The following ADAMTS2 variants were observed in gnomAD, a reference collection of about 807,000 sequenced individuals.
The protein encoded by ADAMTS2 is ADAM metallopeptidase with thrombospondin type 1 motif 2.
ADAMTS2 carries 50 observed loss-of-function variants against 123.0 expected under a neutral mutation model. The ratio of observed to expected loss-of-function variants is 0.41; its 90% CI spans 0.32 to 0.51. The LOEUF (loss-of-function observed/expected upper bound fraction) is 0.51. ADAMTS2 is among the 20% of genes least tolerant of loss of function. The pLI is 0.35. For missense variants in ADAMTS2, 1,494 were observed against 1,705.2 expected (o/e 0.88, Z 2.18); for synonymous variants, 678 against 695.4 (o/e 0.98, Z 0.39).
chr5:179,235,381 AG>A (rs1209150812), intron 3 of ADAMTS2, among the ~76,000 whole-genome samples: 1 of 152,248 alleles, frequency 6.6e-6, no homozygotes, highest in African/African-American at 2.4e-5. Flanking sequence ...TGAAATGCTC[AG>A]GGTGTGTGGG....
In ADAMTS2 at chr5:179,129,841, A is replaced by C. The variant is rs1053230873; in HGVS notation, c.2457+91T>G. 12 of 1,547,014 alleles carry C rather than the reference A, an allele frequency of 7.8e-6. No individual in the cohort carries two copies. The African/African-American group carries it at 1.6e-4, about 21-fold the overall frequency. On this transcript the variant is annotated intron_variant, in intron 16 of 21. Transcript: ENST00000251582. This position sits in a 1 kb window ranked among gnomAD's most constrained non-coding sequence, Gnocchi z 4.1. ...AGGGGCCACGCAGAGTGTCACCTGA[A>C]GGGTCAGGAGGCTCAGCGTCCCAGG...
chr5:179,344,263 A>T, intron 1 of ADAMTS2, 102 bp from the exon 2 acceptor site: 1 of 1,433,398 alleles, frequency 7.0e-7, no homozygotes, highest in Non-Finnish European at 9.4e-7. Context: ...CCCACTGCGA[A>T]GGGAAGGGGC....
intron 2 of ADAMTS2, among the ~76,000 whole-genome samples, chr5:179,321,564 T>C (rs938907420): frequency 2.0e-5 from 3 of 152,192 alleles, no homozygotes; most frequent in African/African-American, 7.2e-5. Flanking sequence ...CTCCTCCACT[T>C]GTCTGCACAT....
Position 179,202,174 on chromosome 5 carries a change from G to A in ADAMTS2, c.891+5339C>T, listed in dbSNP as rs947070845. On this transcript the variant is annotated intron_variant, in intron 4 of 21. Transcript: ENST00000251582. This position sits in a 1 kb window ranked among gnomAD's most constrained non-coding sequence, Gnocchi z 4.0. ...CCCTCCACCTCTGGAAGACTGCGGCGGCCGGCCTTGCCGGCCCCGACTTCC... is the reference window on the plus strand; with the variant it reads ...CCCTCCACCTCTGGAAGACTGCGGCAGCCGGCCTTGCCGGCCCCGACTTCC... Among the ~76,000 whole-genome samples the A allele has an allele frequency of 3.9e-5, 6 of 152,156 alleles. No individual in the cohort carries two copies. The highest frequency in any genetic ancestry group is 3.4e-3 in the Middle Eastern group (1 of 294).
At chr5:179,123,867 G>A (rs551185943) in intron 19 of ADAMTS2, among the ~76,000 whole-genome samples, 2 of 152,358 alleles carry the variant, frequency 1.3e-5, no homozygotes, top group Admixed American at 1.3e-4. Context: ...CATACCAACA[G>A]TGATGGATGG....
Position 179,262,586 on chromosome 5 carries a change from C to T in ADAMTS2, c.688+10325G>A, listed in dbSNP as rs1444574599. ...TTCCTTCTGCCCCTTGGTCACGCTG[C>T]GGTAACTCCAGCCTCAGGGCTCCTG... On this transcript the variant is annotated intron_variant, in intron 3 of 21. Transcript: ENST00000251582. The surrounding 1 kb of genome is among the most constrained non-coding windows in gnomAD (Gnocchi z 5.9). Among the ~76,000 whole-genome samples, 4 of 152,178 alleles carry T rather than the reference C, an allele frequency of 2.6e-5. No individual in the cohort carries two copies. Among genetic ancestry groups the T allele is most frequent in the African/African-American group, 4.8e-5 (2 of 41,438 alleles).
chr5:179,165,940 A>C (rs1004776915), intron 5 of ADAMTS2, among the ~76,000 whole-genome samples: 8 of 152,084 alleles, frequency 5.3e-5, no homozygotes, highest in Non-Finnish European at 8.8e-5. Flanking sequence ...ATGAGCTTCC[A>C]AGAGGCTGAT....
At position 179,129,956 on chromosome 5, in the gene ADAMTS2, G is replaced by T; in HGVS notation, c.2433C>A (p.Pro811=). The change falls in exon 16 of 22, where the codon CCC becomes CCA. Residue 811 remains proline (P), a synonymous_variant. Transcript: ENST00000251582. The surrounding 1 kb of genome is among the most constrained non-coding windows in gnomAD (Gnocchi z 4.1). ...DGRETLQTMG[P]LHGTITVLVI... ...CCAGAACGGTGATGGTGCCGTGGAG[G>T]GGGCCCATGGTCTGCAGCGTCTCCC... The T allele has an allele frequency of 6.2e-7, 1 of 1,613,992 alleles. No homozygotes were observed. The highest frequency in any genetic ancestry group is 8.5e-7 in the Non-Finnish European group (1 of 1,180,020).
intron 3 of ADAMTS2, among the ~76,000 whole-genome samples, chr5:179,226,328 G>A (rs1765284659): frequency 6.8e-6 from 1 of 147,124 alleles, no homozygotes; most frequent in South Asian, 2.1e-4. Flanking sequence ...GTACAGTGGC[G>A]TGATCTCAGC....
intron 4 of ADAMTS2, 42 bp downstream of exon 4, chr5:179,207,471 A>ACCCAGCCCCCCCCCCCCCCCCCCCCCCC: frequency 9.7e-7 from 1 of 1,026,474 alleles, no homozygotes; most frequent in Non-Finnish European, 1.5e-6. Flanking sequence ...CCCCTGGTTG[A>ACCCAGCCCCCCCCCCCCCCCCCCCCCCC]CCCTCCCCGC....
rs1765338671 is a variant in ADAMTS2 at position 179,228,534 on chromosome 5, C to T, written c.689-20819G>A. 6.6e-6 allele frequency among the ~76,000 whole-genome samples: 1 copy of T among 152,248 alleles called. No individual in the cohort carries two copies. Among genetic ancestry groups the T allele is most frequent in the Admixed American group, 6.5e-5 (1 of 15,294 alleles). ...AGTGTGGGTGTGAAGCGGAAGGAGACTCTGCAGCAAGGCCCAGCTCTTATG... is the reference window on the plus strand; with the variant it reads ...AGTGTGGGTGTGAAGCGGAAGGAGATTCTGCAGCAAGGCCCAGCTCTTATG... On this transcript the variant is annotated intron_variant, in intron 3 of 21. Transcript: ENST00000251582. The surrounding 1 kb of genome is among the most constrained non-coding windows in gnomAD (Gnocchi z 5.2).
intron 2 of ADAMTS2, among the ~76,000 whole-genome samples, chr5:179,280,123 T>C (rs952538958): frequency 1.3e-5 from 2 of 152,230 alleles, no homozygotes; most frequent in Non-Finnish European, 2.9e-5. Flanking sequence ...ATGACTTTGC[T>C]TGGCCACTCT....
chr5:179,246,072 C>T (rs914408091), intron 3 of ADAMTS2, among the ~76,000 whole-genome samples: 1 of 152,168 alleles, frequency 6.6e-6, no homozygotes, highest in African/African-American at 2.4e-5. Context: ...AAGAAAGCAG[C>T]TACTGAATTT....
At chr5:179,268,827 G>A (rs959611037) in intron 3 of ADAMTS2, among the ~76,000 whole-genome samples, 4 of 152,202 alleles carry the variant, frequency 2.6e-5, no homozygotes, top group Non-Finnish European at 5.9e-5. Context: ...TGACCCAGAC[G>A]GGCGCCTCCC....
At chr5:179,287,960 C>A (rs958514196) in intron 2 of ADAMTS2, among the ~76,000 whole-genome samples, 1 of 152,268 alleles carries the variant, frequency 6.6e-6, no homozygotes, top group Non-Finnish European at 1.5e-5. Flanking sequence ...AGCCTTTCCT[C>A]TCTCAAAGCC....
intron 4 of ADAMTS2, among the ~76,000 whole-genome samples, chr5:179,195,771 C>T (rs894445290): frequency 6.6e-6 from 1 of 152,222 alleles, no homozygotes; most frequent in African/African-American, 2.4e-5. Context: ...TGGTGGCACA[C>T]AGGGCCAGGC....
rs117706528 is a variant in ADAMTS2 at position 179,134,024 on chromosome 5, T to C, written c.2086-1124A>G. 3.3e-4 allele frequency among the ~76,000 whole-genome samples: 51 copies of C among 152,294 alleles called. No individual in the cohort carries two copies. The East Asian group carries it at 9.7e-3, about 29-fold the overall frequency. On this transcript the variant is annotated intron_variant, in intron 13 of 21. Transcript: ENST00000251582. The stretch of plus-strand genomic sequence containing the variant: ...ACCACGCCCAGCCCCTATCCTTCTT[T>C]AATACCCATGTCAGGAGTGACGTGA...
At chr5:179,266,268 C>T (rs1037104603) in intron 3 of ADAMTS2, among the ~76,000 whole-genome samples, 1 of 152,220 alleles carries the variant, frequency 6.6e-6, no homozygotes, top group Admixed American at 6.5e-5. Context: ...TGAGCATTAC[C>T]TTATATGGCA....
At chr5:179,186,959 G>GCC (rs1043393712) in intron 4 of ADAMTS2, among the ~76,000 whole-genome samples, 2 of 151,886 alleles carry the variant, frequency 1.3e-5, no homozygotes, top group Admixed American at 6.6e-5. Context: ...GCAGGGCCCA[G>GCC]CCCCTCGCCT....
Sources: gnomAD v4.1 joint callset for allele counts (sites outside exome capture counted in the v4.1 genomes callset) on GRCh38, gnomAD v4.1.1 for gene constraint, Gnocchi (gnomAD v3.1) non-coding constraint, MANE v1.5 for transcripts, NCBI Gene and HGNC (gene_info 2026-07-23, HGNC 2026-07-21) for gene names.